The following PIK3CA variants were observed in gnomAD, a reference collection of about 807,000 sequenced individuals.
The protein encoded by PIK3CA is phosphatidylinositol 4,5-bisphosphate 3-kinase catalytic subunit alpha isoform.
Under a neutral mutation model 138.2 loss-of-function variants are expected in PIK3CA, and 27 were observed. That is an observed-to-expected ratio of 0.20 (90% CI 0.14 to 0.27). The LOEUF (loss-of-function observed/expected upper bound fraction) is 0.27. PIK3CA is among the 10% of genes least tolerant of loss of function. The pLI, the probability that PIK3CA is intolerant of heterozygous loss-of-function variation, is 1.00. For missense variants in PIK3CA, 544 were observed against 1,277.4 expected (o/e 0.43, Z 8.75); for synonymous variants, 358 against 413.2 (o/e 0.87, Z 1.62).
chr3:179,209,549 G>T, intron 6 of PIK3CA, 46 bp from the exon 7 acceptor site: 1 of 1,164,068 alleles, frequency 8.6e-7, no homozygotes, highest in Non-Finnish European at 1.3e-6. Flanking sequence ...ATACTTTGAT[G>T]AAGACTTTTC....
At position 179,199,115 on chromosome 3, in the gene PIK3CA, C is replaced by T. The variant is rs2108386154; in HGVS notation, c.290C>T (p.Pro97Leu). ...RRLCDLRLFQ[P>L]FLKVIEPVGN... is the part of the protein sequence containing the mutation. Reference sequence around the variant, plus strand: ...CTTTGTGACCTTCGGCTTTTTCAACCCTTTTTAAAAGTAATTGAACCAGTA... The same window carrying T: ...CTTTGTGACCTTCGGCTTTTTCAACTCTTTTTAAAAGTAATTGAACCAGTA... The change falls in exon 2 of 21, where the codon CCC (proline) becomes CTC (leucine). Residue 97 changes from proline to leucine, a missense_variant. By Grantham distance (98) the Pro-to-Leu change is moderately conservative. Coordinates refer to ENST00000263967, the MANE Select transcript of PIK3CA (RefSeq NM_006218.4). 1 of 1,607,358 alleles carries T rather than the reference C, an allele frequency of 6.2e-7. No individual in the cohort carries two copies. Among genetic ancestry groups the T allele is most frequent in the Non-Finnish European group, 8.5e-7 (1 of 1,178,282 alleles).
intron 1 of PIK3CA, among the ~76,000 whole-genome samples, chr3:179,165,008 A>G (rs1327308456): frequency 6.6e-6 from 1 of 152,148 alleles, no homozygotes; most frequent in Non-Finnish European, 1.5e-5. Context: ...ATCTTTTCTC[A>G]TAATCACTGC....
chr3:179,186,110 C>T (rs1004882322), intron 1 of PIK3CA, among the ~76,000 whole-genome samples: 7 of 152,136 alleles, frequency 4.6e-5, no homozygotes, highest in Non-Finnish European at 1.0e-4. Context: ...TGCCAGCCAC[C>T]AGTCAACTCA....
At chr3:179,221,206 A>G (rs1215538235) in intron 14 of PIK3CA, 49 bp downstream of exon 14, 1 of 1,361,106 alleles carries the variant, frequency 7.3e-7, no homozygotes, top group Non-Finnish European at 1.0e-6. Flanking sequence ...GCAGTGGGGC[A>G]GAGTTGTTTA....
chr3:179,206,231 G>A (rs1724557930), intron 6 of PIK3CA, among the ~76,000 whole-genome samples: 1 of 150,872 alleles, frequency 6.6e-6, no homozygotes, highest in African/African-American at 2.4e-5. Flanking sequence ...CTTATTTTTT[G>A]TATTTTCAGT....
At chr3:179,217,031 G>A (rs898282444) in intron 9 of PIK3CA, among the ~76,000 whole-genome samples, 1 of 151,908 alleles carries the variant, frequency 6.6e-6, no homozygotes, top group African/African-American at 2.4e-5. Context: ...TACCCTGTTC[G>A]CAAATTTTAC....
In PIK3CA at chr3:179,230,384, C is replaced by T. The variant is rs372832719; in HGVS notation, c.2936+8C>T. ...GACAAGAGAATTTGAGAGGTGAGCT[C>T]GAGCAATTAAAAACACAAAATAAAG... On this transcript the variant is annotated splice_region_variant and intron_variant, in intron 20 of 20. Coordinates refer to ENST00000263967, the MANE Select transcript of PIK3CA (RefSeq NM_006218.4). This position sits in a 1 kb window ranked among gnomAD's most constrained non-coding sequence, Gnocchi z 5.4. 54 of 1,576,622 alleles carry T rather than the reference C, an allele frequency of 3.4e-5. No homozygotes were observed. The highest frequency in any genetic ancestry group is 9.6e-5 in the African/African-American group (7 of 72,560).
intron 1 of PIK3CA, among the ~76,000 whole-genome samples, chr3:179,160,068 C>T (rs4855093): frequency 0.24 from 37,183 of 151,922 alleles, 5,604 homozygotes; most frequent in African/African-American, 0.42. Context: ...TGAAGGCCCA[C>T]GACATTACTA....
chr3:179,200,155 T>C (rs1422773306), intron 3 of PIK3CA, among the ~76,000 whole-genome samples: 1 of 152,052 alleles, frequency 6.6e-6, no homozygotes, highest in Non-Finnish European at 1.5e-5. Context: ...AGTATGAGTT[T>C]GAAATTTACT....
chr3:179,213,144 A>G (rs1397618044), intron 9 of PIK3CA, among the ~76,000 whole-genome samples: 2 of 152,184 alleles, frequency 1.3e-5, no homozygotes, highest in African/African-American at 2.4e-5. Context: ...TGGGTTCAGG[A>G]AAGACCTCTC....
intron 16 of PIK3CA, among the ~76,000 whole-genome samples, chr3:179,225,047 G>GT (rs761499276): frequency 2.0e-4 from 31 of 151,856 alleles, no homozygotes; most frequent in Non-Finnish European, 4.1e-4. Flanking sequence ...TCAGTTTTTT[G>GT]TTTTTTCTTT....
intron 1 of PIK3CA, among the ~76,000 whole-genome samples, chr3:179,192,611 C>T (rs2108380164): frequency 6.6e-6 from 1 of 152,340 alleles, no homozygotes; most frequent in African/African-American, 2.4e-5. Context: ...AACTTTTTTT[C>T]TGCAAGATGC....
intron 1 of PIK3CA, among the ~76,000 whole-genome samples, chr3:179,198,514 A>G (rs1724323941): frequency 6.6e-6 from 1 of 152,206 alleles, no homozygotes; most frequent in Non-Finnish European, 1.5e-5. Flanking sequence ...TGTTTTCTTA[A>G]ATGACTTTAT....
intron 3 of PIK3CA, 75 bp downstream of exon 3, chr3:179,199,974 C>CTT (rs762831149): frequency 2.0e-3 from 1,403 of 687,638 alleles, no homozygotes; most frequent in South Asian, 4.0e-3. Flanking sequence ...TTTGTATAGT[C>CTT]TTTTTTTTTT....
chr3:179,178,278 A>C (rs1014176340), intron 1 of PIK3CA, among the ~76,000 whole-genome samples: 4 of 151,374 alleles, frequency 2.6e-5, no homozygotes, highest in African/African-American at 4.8e-5. Context: ...AAAAAAAAAA[A>C]AACTCAGAAA....
intron 1 of PIK3CA, among the ~76,000 whole-genome samples, chr3:179,178,770 G>A (rs1049208357): frequency 6.6e-6 from 1 of 152,088 alleles, no homozygotes; most frequent in East Asian, 1.9e-4. Flanking sequence ...GCAAAATCCA[G>A]GGGAGACCAG....
rs1274605564 is a variant in PIK3CA at position 179,201,468 on chromosome 3, G to A, written c.741G>A (p.Gln247=). 1 of 1,612,854 alleles carries A rather than the reference G, an allele frequency of 6.2e-7. No individual in the cohort carries two copies. The highest frequency in any genetic ancestry group is 1.3e-5 in the African/African-American group (1 of 74,978). ...EQLKLCVLEY[Q]GKYILKVCGC... is the part of the protein sequence containing the mutation. ...TAAAACTCTGTGTTTTAGAATATCA[G>A]GGCAAGTATATTTTAAAAGTGTGTG... Residue 247 remains glutamine, a synonymous_variant, in exon 4 of 21, where the codon CAG becomes CAA. Coordinates refer to ENST00000263967, the MANE Select transcript of PIK3CA (RefSeq NM_006218.4).
intron 15 of PIK3CA, among the ~76,000 whole-genome samples, chr3:179,224,471 A>T (rs1725037327): frequency 7.1e-6 from 1 of 140,174 alleles, no homozygotes; most frequent in African/African-American, 2.9e-5. Context: ...AAAACTAATG[A>T]TATATCTCTA....
At chr3:179,212,737 G>T (rs537438278) in intron 9 of PIK3CA, among the ~76,000 whole-genome samples, 2 of 152,034 alleles carry the variant, frequency 1.3e-5, no homozygotes, top group South Asian at 4.2e-4. Flanking sequence ...CATCATGCCC[G>T]GCCAAAAGAC....
Sources: gnomAD v4.1 joint callset for allele counts (sites outside exome capture counted in the v4.1 genomes callset) on GRCh38, gnomAD v4.1.1 for gene constraint, Gnocchi (gnomAD v3.1) non-coding constraint, MANE v1.5 for transcripts, NCBI Gene and HGNC (gene_info 2026-07-23, HGNC 2026-07-21) for gene names.